FAM151B: variants seen among roughly 807,000 people sequenced by gnomAD.
FAM151B encodes the protein family with sequence similarity 151 member B, also known as protein FAM151B.
Under a neutral mutation model 31.2 loss-of-function variants are expected in FAM151B, and 24 were observed. That is an observed-to-expected ratio of 0.77 (90% CI 0.56 to 1.08). The LOEUF is 1.08. Ranked by LOEUF, FAM151B falls within the 50% of genes least tolerant of loss-of-function variation. The pLI is 0.00. For synonymous variants in FAM151B, 105 were observed against 111.4 expected (o/e 0.94, Z 0.36); for missense variants, 293 against 328.6 (o/e 0.89, Z 0.84).
At chr5:80,523,278 G>A (rs1744802714) in intron 5 of FAM151B, among the ~76,000 whole-genome samples, 1 of 152,188 alleles carries the variant, frequency 6.6e-6, no homozygotes, top group Admixed American at 6.6e-5. Flanking sequence ...CAATGTGTAT[G>A]TCAGAGAAAT....
intron 1 of FAM151B, chr5:80,500,645 C>G: frequency 1.3e-6 from 1 of 766,388 alleles, no homozygotes; most frequent in Non-Finnish European, 2.4e-6. Flanking sequence ...CCCAAAGGTC[C>G]GAAAGGTGTT....
chr5:80,492,853 C>A (rs1032065184), intron 1 of FAM151B, among the ~76,000 whole-genome samples: 34 of 152,228 alleles, frequency 2.2e-4, no homozygotes, highest in African/African-American at 8.2e-4. Context: ...ACTTGGGATG[C>A]CCAGGCAGGA....
chr5:80,534,838 T>C (rs1305910353), intron 5 of FAM151B, among the ~76,000 whole-genome samples: 2 of 152,212 alleles, frequency 1.3e-5, no homozygotes, highest in African/African-American at 2.4e-5. Flanking sequence ...GCAGATGATA[T>C]GATCTTATAT....
chr5:80,501,674 A>G (rs1038997689), intron 1 of FAM151B, 118 bp from the exon 2 acceptor site: 5 of 445,938 alleles, frequency 1.1e-5, no homozygotes, highest in Admixed American at 3.9e-5. Context: ...CTATCTATCT[A>G]TATATATATA....
chr5:80,536,302 C>G (rs1002118004), intron 5 of FAM151B, among the ~76,000 whole-genome samples: 3 of 152,024 alleles, frequency 2.0e-5, no homozygotes, highest in African/African-American at 7.3e-5. Context: ...TCCCAAGTAG[C>G]TGGGATCACA....
intron 1 of FAM151B, chr5:80,500,243 G>T: frequency 1.8e-6 from 1 of 569,366 alleles, no homozygotes; most frequent in East Asian, 2.9e-5. Flanking sequence ...CTATGGGGAG[G>T]GGGAAGCAAA....
rs761830086 is a variant in FAM151B at position 80,513,710 on chromosome 5, A to T, written c.258A>T (p.Leu86=). The T allele has an allele frequency of 6.2e-7, 1 of 1,614,084 alleles. No individual in the cohort carries two copies. The highest frequency in any genetic ancestry group is 1.7e-5 in the Admixed American group (1 of 59,986). ...HPPETNSDNT[L]QEWLTEVMKS... is the part of the protein sequence containing the mutation. ...CTGAAACAAACAGTGATAATACTCT[A>T]CAGGAGTGGCTGACTGAAGTTATGA... is the stretch of plus-strand genomic sequence containing the variant. Residue 86 remains leucine (L), a synonymous_variant, in exon 3 of 6, where the codon CTA becomes CTT. Coordinates refer to ENST00000282226, the MANE Select transcript of FAM151B (RefSeq NM_205548.3).
chr5:80,532,532 G>C (rs964957906), intron 5 of FAM151B, among the ~76,000 whole-genome samples: 12 of 152,174 alleles, frequency 7.9e-5, no homozygotes, highest in African/African-American at 2.9e-4. Flanking sequence ...TAAGCTGTTA[G>C]ATTCCAATAC....
chr5:80,517,762 G>A (rs1435897627), intron 3 of FAM151B, among the ~76,000 whole-genome samples: 9 of 152,126 alleles, frequency 5.9e-5, no homozygotes, highest in Admixed American at 5.9e-4. Flanking sequence ...CGATTTGTGG[G>A]AGAATACGCT....
chr5:80,505,394 CT>C lies in FAM151B; in HGVS notation c.151+3488del, dbSNP rs1001261424. 1.4e-4 allele frequency among the ~76,000 whole-genome samples: 19 copies of C among 137,406 alleles called. 1 individual carries two copies. Among genetic ancestry groups the C allele is most frequent in the Middle Eastern group, 7.8e-3 (2 of 258 alleles). 90.1% of individuals were successfully genotyped at this position (137,406 alleles called of 152,430 possible). A position where few individuals can be genotyped will look rare whatever the true frequency, so the allele number is the denominator to read the frequency against. ...AGACATAGCAAACATCCATTGAGTTCTTTTTTTTTTTCTTTTTTGAGACAGA... is the reference window on the plus strand; with the variant it reads ...AGACATAGCAAACATCCATTGAGTTCTTTTTTTTTTCTTTTTTGAGACAGA... On this transcript the variant is annotated intron_variant, in intron 2 of 5. Transcript: ENST00000282226.
chr5:80,541,273 CTT>C (rs1745875379), intron 5 of FAM151B, among the ~76,000 whole-genome samples: 1 of 152,208 alleles, frequency 6.6e-6, no homozygotes, highest in Non-Finnish European at 1.5e-5. Context: ...ATTTGTGTCT[CTT>C]CACAATCCCT....
chr5:80,509,743 C>T (rs1003866525), intron 2 of FAM151B, among the ~76,000 whole-genome samples: 2 of 152,192 alleles, frequency 1.3e-5, no homozygotes, highest in African/African-American at 4.8e-5. Flanking sequence ...TTTAGCTTAG[C>T]TCTTTCTTCT....
At chr5:80,532,882 T>A (rs1434441944) in intron 5 of FAM151B, among the ~76,000 whole-genome samples, 1 of 152,144 alleles carries the variant, frequency 6.6e-6, no homozygotes, top group South Asian at 2.1e-4. Flanking sequence ...AATTAAACTA[T>A]ATGCTCCTGA....
intron 5 of FAM151B, among the ~76,000 whole-genome samples, chr5:80,526,735 T>G (rs1167689470): frequency 6.6e-6 from 1 of 152,210 alleles, no homozygotes; most frequent in Non-Finnish European, 1.5e-5. Context: ...ATTTCTTTTT[T>G]ATGATGGTTA....
chr5:80,500,516 C>A lies in FAM151B; in HGVS notation c.26-1276C>A, dbSNP rs564372917. On this transcript the variant is annotated intron_variant, in intron 1 of 5. Coordinates refer to ENST00000282226, the MANE Select transcript of FAM151B (RefSeq NM_205548.3). ...AAAACACTGTCACAAGGAATATAGG[C>A]AGATATACAGAACTGAATTTTGAAT... The A allele has an allele frequency of 6.6e-6, 5 of 759,280 alleles. No homozygotes were observed. The East Asian group carries it at 1.2e-4, about 18-fold the overall frequency. 47.0% of individuals were successfully genotyped at this position (759,280 alleles called of 1,614,324 possible). A position where few individuals can be genotyped will look rare whatever the true frequency, so the allele number is the denominator to read the frequency against.
chr5:80,512,914 T>C (rs1325523326), intron 2 of FAM151B, among the ~76,000 whole-genome samples: 1 of 152,138 alleles, frequency 6.6e-6, no homozygotes, highest in Non-Finnish European at 1.5e-5. Context: ...ACTTTAGGGA[T>C]TTTGATTTTC....
Position 80,520,391 on chromosome 5 carries a change from T to G in FAM151B, c.535+481T>G, listed in dbSNP as rs190688625. On this transcript the variant is annotated intron_variant, in intron 4 of 5. Transcript: ENST00000282226. ...CGGGCGTGGTGGCTCATGCCTGTAA[T>G]CACCACACTTCGGGAGGCCAAGGTG... Among the ~76,000 whole-genome samples, 1,254 of 152,130 alleles carry G rather than the reference T, an allele frequency of 8.2e-3. 19 individuals carry two copies. Among genetic ancestry groups the G allele is most frequent in the African/African-American group, 0.027 (1,137 of 41,510 alleles).
At chr5:80,514,595 A>G (rs1744337689) in intron 3 of FAM151B, among the ~76,000 whole-genome samples, 1 of 151,828 alleles carries the variant, frequency 6.6e-6, no homozygotes. Context: ...AGGAAATTTT[A>G]CTTTTGTAGT....
intron 5 of FAM151B, among the ~76,000 whole-genome samples, chr5:80,537,053 G>GTT (rs1196705336): frequency 1.3e-5 from 2 of 152,292 alleles, no homozygotes; most frequent in African/African-American, 4.8e-5. Flanking sequence ...TGAATTGTTT[G>GTT]TAACACAAAG....
Sources: allele counts gnomAD v4.1 joint callset (sites outside exome capture counted in the v4.1 genomes callset), GRCh38; gene constraint gnomAD v4.1.1; transcripts MANE v1.5; gene names NCBI Gene and HGNC (gene_info 2026-07-23, HGNC 2026-07-21).